CRYZL1: variants seen among roughly 807,000 people sequenced by gnomAD.
The protein encoded by CRYZL1 is crystallin zeta like 1.
CRYZL1 carries 34 observed loss-of-function variants against 50.6 expected under a neutral mutation model. The ratio of observed to expected loss-of-function variants is 0.67; its 90% CI spans 0.51 to 0.89. CRYZL1 has a LOEUF of 0.89. CRYZL1 is among the 40% of genes least tolerant of loss of function. The pLI is 0.00. For synonymous variants in CRYZL1, 125 were observed against 134.3 expected (o/e 0.93, Z 0.48); for missense variants, 354 against 402.3 (o/e 0.88, Z 1.03).
chr21:33,625,654 T>C (rs1049075320), intron 2 of CRYZL1, among the ~76,000 whole-genome samples: 1 of 151,612 alleles, frequency 6.6e-6, no homozygotes, highest in Non-Finnish European at 1.5e-5. Context: ...CAGCTGATTT[T>C]TAATTTTTTT....
chr21:33,611,873 G>A (rs1601336263), intron 6 of CRYZL1, among the ~76,000 whole-genome samples: 1 of 152,080 alleles, frequency 6.6e-6, no homozygotes, highest in Non-Finnish European at 1.5e-5. Flanking sequence ...TTTTTGAACT[G>A]TATATAAATA....
chr21:33,610,313 C>T (rs1206711708), intron 6 of CRYZL1, among the ~76,000 whole-genome samples: 1 of 152,044 alleles, frequency 6.6e-6, no homozygotes, highest in African/African-American at 2.4e-5. Flanking sequence ...GCATGTGCCA[C>T]CACAGCTGGC....
At chr21:33,612,827 A>G (rs1232621941) in intron 6 of CRYZL1, among the ~76,000 whole-genome samples, 1 of 152,016 alleles carries the variant, frequency 6.6e-6, no homozygotes, top group Admixed American at 6.6e-5. Context: ...GAAACCAAAG[A>G]TAAGTGCTCT....
At chr21:33,641,349 G>A (rs1308232049) in intron 1 of CRYZL1, 9 of 1,524,698 alleles carry the variant, frequency 5.9e-6, no homozygotes, top group African/African-American at 5.5e-5. Flanking sequence ...TCAAATTCTA[G>A]GAACAAGAAG....
chr21:33,612,117 T>C (rs991449280), intron 6 of CRYZL1, among the ~76,000 whole-genome samples: 5 of 152,206 alleles, frequency 3.3e-5, no homozygotes, highest in African/African-American at 1.2e-4. Flanking sequence ...GTATGCCTCC[T>C]AGTGCACATC....
intron 12 of CRYZL1, among the ~76,000 whole-genome samples, chr21:33,590,329 C>T (rs1379444318): frequency 6.6e-6 from 1 of 150,864 alleles, no homozygotes; most frequent in African/African-American, 2.4e-5. Flanking sequence ...AAATCTATTA[C>T]TTTAAGTAAT....
intron 6 of CRYZL1, among the ~76,000 whole-genome samples, chr21:33,611,067 A>T (rs993353259): frequency 1.3e-5 from 2 of 152,048 alleles, no homozygotes; most frequent in Admixed American, 1.3e-4. Flanking sequence ...CTTCTATAGC[A>T]ATTTAGTTTT....
intron 2 of CRYZL1, among the ~76,000 whole-genome samples, chr21:33,625,604 C>T (rs1161111699): frequency 6.6e-6 from 1 of 152,074 alleles, no homozygotes; most frequent in Non-Finnish European, 1.5e-5. Flanking sequence ...CTGCCTCAGC[C>T]TTCTGAGTAG....
chr21:33,640,557 G>A (rs747528860), intron 1 of CRYZL1, among the ~76,000 whole-genome samples: 7 of 152,052 alleles, frequency 4.6e-5, no homozygotes, highest in African/African-American at 9.7e-5. Context: ...AGCACTCAGC[G>A]CAACATCATA....
intron 6 of CRYZL1, among the ~76,000 whole-genome samples, chr21:33,612,780 T>A (rs1252221296): frequency 6.6e-6 from 1 of 152,144 alleles, no homozygotes; most frequent in Non-Finnish European, 1.5e-5. Flanking sequence ...TAAAAACGAA[T>A]ATTTCAGTTA....
chr21:33,592,544 A>G (rs1050274869), intron 11 of CRYZL1, among the ~76,000 whole-genome samples: 2 of 152,248 alleles, frequency 1.3e-5, no homozygotes, highest in African/African-American at 4.8e-5. Context: ...TGTAAAAATC[A>G]AAGAAAAAAT....
In CRYZL1 at chr21:33,611,954, C is replaced by T. The variant is rs116927410; in HGVS notation, c.331+1584G>A. 1.7e-4 allele frequency among the ~76,000 whole-genome samples: 26 copies of T among 152,278 alleles called. No homozygotes were observed. In the East Asian group the frequency reaches 4.8e-3, roughly 28 times the overall value. ...CTCAATGCTGTTTGTGAGAGTCATC[C>T]ACTTTGATATGTTTAGCTCTTACTC... On this transcript the variant is annotated intron_variant, in intron 6 of 12. Transcript: ENST00000381554.
chr21:33,600,933 G>GTTTTTTTTTTT lies in CRYZL1; in HGVS notation c.577+1290_577+1300dup, dbSNP rs764185960. On this transcript the variant is annotated intron_variant, in intron 8 of 12. Coordinates refer to ENST00000381554, the MANE Select transcript of CRYZL1 (RefSeq NM_145858.3). ...TGAGCCACTGTGCCCGGTCCATAAA[G>GTTTTTTTTTTT]TTTTTTTTTTTTTTTTTTTTGGGGG... Among the ~76,000 whole-genome samples the GTTTTTTTTTTT allele has an allele frequency of 5.9e-4, 35 of 59,568 alleles. 16 individuals carry two copies. The highest frequency in any genetic ancestry group is 5.5e-4 in the Non-Finnish European group (18 of 32,436). 39.1% of individuals were successfully genotyped at this position (59,568 alleles called of 152,430 possible).
At chr21:33,597,058 T>C (rs2086701852) in intron 10 of CRYZL1, among the ~76,000 whole-genome samples, 1 of 151,932 alleles carries the variant, frequency 6.6e-6, no homozygotes, top group South Asian at 2.1e-4. Flanking sequence ...TTTGTAGAGA[T>C]GGGGTTTCAC....
intron 3 of CRYZL1, among the ~76,000 whole-genome samples, chr21:33,623,158 G>T (rs2087022146): frequency 6.6e-6 from 1 of 151,786 alleles, no homozygotes; most frequent in Non-Finnish European, 1.5e-5. Flanking sequence ...TAGAGATAGG[G>T]TTTCACCATG....
intron 2 of CRYZL1, among the ~76,000 whole-genome samples, chr21:33,628,947 C>T (rs1004438399): frequency 6.6e-6 from 1 of 151,764 alleles, no homozygotes; most frequent in South Asian, 2.1e-4. Flanking sequence ...AACTACTACT[C>T]GGCCAGGCGC....
At chr21:33,626,001 T>C (rs2087057941) in intron 2 of CRYZL1, among the ~76,000 whole-genome samples, 1 of 150,158 alleles carries the variant, frequency 6.7e-6, no homozygotes, top group South Asian at 2.1e-4. Context: ...ATACCCAGGC[T>C]GGAGTGCAGT....
At chr21:33,636,027 C>T (rs1285502278) in intron 1 of CRYZL1, among the ~76,000 whole-genome samples, 3 of 152,010 alleles carry the variant, frequency 2.0e-5, no homozygotes, top group African/African-American at 4.8e-5. Flanking sequence ...TATAATATGA[C>T]ATTTCTAAGA....
chr21:33,606,081 C>T (rs2086811823), intron 6 of CRYZL1, among the ~76,000 whole-genome samples: 1 of 152,150 alleles, frequency 6.6e-6, no homozygotes, highest in African/African-American at 2.4e-5. Flanking sequence ...ACACACAGTA[C>T]TTTATTCCTT....
Sources: gnomAD v4.1 joint callset for allele counts (sites outside exome capture counted in the v4.1 genomes callset) on GRCh38, gnomAD v4.1.1 for gene constraint, MANE v1.5 for transcripts, NCBI Gene and HGNC (gene_info 2026-07-23, HGNC 2026-07-21) for gene names.